Variants in PAXBP1 observed in about 807,000 individuals in gnomAD.
PAXBP1 encodes PAX3 and PAX7 binding protein 1, also known as PAX3- and PAX7-binding protein 1.
In PAXBP1, 44 loss-of-function variants were observed where a neutral mutation model predicts 119.9. The observed-to-expected ratio is 0.37, with a 90% CI of 0.29 to 0.47. The LOEUF is 0.47. Ranked by LOEUF, PAXBP1 falls within the 20% of genes least tolerant of loss-of-function variation. The pLI, the probability that PAXBP1 is intolerant of heterozygous loss-of-function variation, is 0.99. For missense variants in PAXBP1, 898 were observed against 1,134.1 expected, an observed-to-expected ratio of 0.79 and a Z score of 2.99; for synonymous variants, 393 against 406.6, an observed-to-expected ratio of 0.97 and a Z score of 0.40.
intron 15 of PAXBP1, among the ~76,000 whole-genome samples, chr21:32,739,452 G>A (rs1384914714): frequency 6.6e-6 from 1 of 152,174 alleles, no homozygotes; most frequent in East Asian, 1.9e-4. Flanking sequence ...TGTAAAAGGT[G>A]CGGGACAGTG....
chr21:32,761,893 C>A (rs1486572498), intron 4 of PAXBP1, among the ~76,000 whole-genome samples: 4 of 152,088 alleles, frequency 2.6e-5, no homozygotes. Flanking sequence ...AAAAAATTAG[C>A]CAGGTGTGGT....
intron 12 of PAXBP1, among the ~76,000 whole-genome samples, 153 bp downstream of exon 12, chr21:32,745,421 C>A (rs988213131): frequency 6.6e-6 from 1 of 152,148 alleles, no homozygotes; most frequent in African/African-American, 2.4e-5. Context: ...GGATAAGAAC[C>A]CCTCTGCCCT....
chr21:32,759,435 T>C lies in PAXBP1; in HGVS notation c.1194-166A>G, dbSNP rs145424174. On this transcript the variant is annotated intron_variant, in intron 6 of 17. Transcript: ENST00000331923. ...GCTTTTTTTCTCAAAAAACAAAAAA[T>C]GGCAGTTTACAGATTTCACAGTTTT... 2.5e-5 allele frequency: 20 copies of C among 788,346 alleles called. No homozygotes were observed. The East Asian group carries it at 3.9e-4, about 15-fold the overall frequency. The allele number at this position is 788,346 out of a possible 1,614,324, so 48.8% of individuals were successfully genotyped here.
chr21:32,771,255 T>C (rs1055239723), intron 1 of PAXBP1, 71 bp downstream of exon 1: 99 of 1,377,494 alleles, frequency 7.2e-5, no homozygotes, highest in African/African-American at 4.5e-5. Context: ...GTCCAGAGAA[T>C]ACGGGGGCGG....
At chr21:32,738,969 A>G (rs1361839463) in intron 15 of PAXBP1, among the ~76,000 whole-genome samples, 2 of 152,112 alleles carry the variant, frequency 1.3e-5, no homozygotes, top group Non-Finnish European at 2.9e-5. Context: ...GTGTGTCTCC[A>G]CGACCATCCA....
chr21:32,758,644 TAAAA>T (rs138934420), intron 7 of PAXBP1, among the ~76,000 whole-genome samples: 7 of 104,106 alleles, frequency 6.7e-5, no homozygotes, highest in Admixed American at 1.0e-4. Flanking sequence ...TCATCCAGGG[TAAAA>T]AAAAAAAAAA....
At chr21:32,764,202 A>G (rs1404802936) in intron 3 of PAXBP1, 146 bp downstream of exon 3, 3 of 735,080 alleles carry the variant, frequency 4.1e-6, no homozygotes, top group African/African-American at 1.8e-5. Flanking sequence ...TATTTTTTAT[A>G]TTTGCAAATG....
chr21:32,762,065 A>G, intron 4 of PAXBP1, 31 bp downstream of exon 4: 1 of 1,612,588 alleles, frequency 6.2e-7, no homozygotes, highest in South Asian at 1.1e-5. Flanking sequence ...AGGCAATGCA[A>G]TAGGCTTACT....
At chr21:32,746,012 G>A (rs1357738467) in intron 11 of PAXBP1, among the ~76,000 whole-genome samples, 3 of 152,136 alleles carry the variant, frequency 2.0e-5, no homozygotes, top group Non-Finnish European at 4.4e-5. Context: ...AACAAGCAAT[G>A]GGGAAAAGAT....
In PAXBP1 at chr21:32,734,162, G is replaced by C. The variant is rs1601576938; in HGVS notation, c.*788C>G. The C allele has an allele frequency of 6.6e-6, 1 of 152,602 alleles. No individual in the cohort carries two copies. Among genetic ancestry groups the C allele is most frequent in the East Asian group, 1.9e-4 (1 of 5,206 alleles). The allele number at this position is 152,602 out of a possible 1,614,324, so 9.5% of individuals were successfully genotyped here. A position where few individuals can be genotyped will look rare whatever the true frequency, so the allele number is the denominator to read the frequency against. ...CTCACATATGTGGGATTTTAAATAT[G>C]ACAGACTACTAAAATTCAAATGCAT... On this transcript the variant is annotated 3_prime_UTR_variant, in exon 18 of 18. Coordinates refer to ENST00000331923, the MANE Select transcript of PAXBP1 (RefSeq NM_016631.4).
chr21:32,743,733 A>G lies in PAXBP1; in HGVS notation c.2212T>C (p.Leu738=). The G allele has an allele frequency of 6.3e-7, 1 of 1,594,152 alleles. No homozygotes were observed. ...TCATCTAAAGTTCTTCTCATTCTCA[A>G]TAAAAGTGCCTTTAGGTATACCTAA... The part of the protein sequence containing the change: ...NTQVYLKALL[L]RMRRTLDDDV... The change falls in exon 14 of 18, where the codon TTG becomes CTG. Residue 738 remains leucine (L), a synonymous_variant. Coordinates refer to ENST00000331923, the MANE Select transcript of PAXBP1 (RefSeq NM_016631.4).
intron 15 of PAXBP1, among the ~76,000 whole-genome samples, chr21:32,741,782 T>C (rs936488261): frequency 6.6e-6 from 1 of 152,202 alleles, no homozygotes; most frequent in African/African-American, 2.4e-5. Context: ...TTCTAGTTTC[T>C]ATGGCAACCC....
Position 32,764,414 on chromosome 21 carries a change from C to T in PAXBP1, c.583G>A (p.Glu195Lys), listed in dbSNP as rs1375553799. Residue 195 changes from glutamate (E) to lysine (K), a missense_variant, in exon 3 of 18, where the codon GAA becomes AAA. By Grantham distance (56) the Glu-to-Lys change is moderately conservative. Coordinates refer to ENST00000331923, the MANE Select transcript of PAXBP1 (RefSeq NM_016631.4). ...DEMDMESEKE[E>K]EKPKTGGAFS... ...GCTCCACCAGTCTTTGGCTTTTCTT[C>T]CTCTTTTTCACTTTCCATATCCATT... 1 of 1,613,854 alleles carries T rather than the reference C, an allele frequency of 6.2e-7. No homozygotes were observed. The highest frequency in any genetic ancestry group is 1.7e-5 in the Admixed American group (1 of 60,008).
At chr21:32,754,547 C>T (rs991143602) in intron 8 of PAXBP1, among the ~76,000 whole-genome samples, 1 of 152,178 alleles carries the variant, frequency 6.6e-6, no homozygotes. Context: ...AACTATTTAA[C>T]AAGAGGTTTC....
Position 32,738,237 on chromosome 21 carries a change from C to T in PAXBP1, c.2417G>A (p.Arg806Gln). ...QELSIDGLLNRYILMAFQNSE... is the reference protein window; with the variant it reads ...QELSIDGLLNQYILMAFQNSE... ...ATTCTGAAAAGCCATGAGAATATAT[C>T]GATTTAATAAACCATCTATTGATAA... Residue 806 changes from arginine (R) to glutamine (Q), a missense_variant, in exon 16 of 18, where the codon CGA becomes CAA. Arg to Gln is a conservative substitution (Grantham distance 43). Around this residue, in one of 2 missense-constraint regions of PAXBP1, gnomAD observed 599 missense variants for 852.7 expected, o/e 0.70. Transcript: ENST00000331923. 2 of 1,601,900 alleles carry T rather than the reference C, an allele frequency of 1.2e-6. No homozygotes were observed. Among genetic ancestry groups the T allele is most frequent in the Non-Finnish European group, 1.7e-6 (2 of 1,176,566 alleles).
intron 2 of PAXBP1, among the ~76,000 whole-genome samples, chr21:32,766,688 C>G (rs938585409): frequency 1.3e-5 from 2 of 152,202 alleles, no homozygotes; most frequent in African/African-American, 4.8e-5. Context: ...CCCAACCTAA[C>G]CCAATGGCTG....
At chr21:32,749,775 C>G (rs1168503690) in intron 10 of PAXBP1, among the ~76,000 whole-genome samples, 1 of 152,066 alleles carries the variant, frequency 6.6e-6, no homozygotes, top group East Asian at 1.9e-4. Flanking sequence ...TTAAACAATG[C>G]TATGAGGAAA....
intron 12 of PAXBP1, 124 bp from the exon 13 acceptor site, chr21:32,745,037 G>A (rs964981521): frequency 2.8e-6 from 3 of 1,052,668 alleles, no homozygotes; most frequent in South Asian, 3.3e-5. Context: ...ATAAGCTTTA[G>A]TCTTCTTTGT....
chr21:32,771,309 C>G lies in PAXBP1; in HGVS notation c.343+17G>C, dbSNP rs748834882. 6.4e-7 allele frequency: 1 copy of G among 1,570,778 alleles called. No individual in the cohort carries two copies. The highest frequency in any genetic ancestry group is 1.4e-5 in the African/African-American group (1 of 71,922). Reference sequence around the variant, plus strand: ...GGGGATGCGGCCGTCTAAGGGCGTCCGAAGCGCGCACTTTACCTTCCTCCT... The same window carrying G: ...GGGGATGCGGCCGTCTAAGGGCGTCGGAAGCGCGCACTTTACCTTCCTCCT... On this transcript the variant is annotated intron_variant, in intron 1 of 17. Transcript: ENST00000331923.
Sources: allele counts gnomAD v4.1 joint callset (sites outside exome capture counted in the v4.1 genomes callset), GRCh38; gene constraint gnomAD v4.1.1; regional missense constraint gnomAD v4.1.1; transcripts MANE v1.5; gene names NCBI Gene and HGNC (gene_info 2026-07-23, HGNC 2026-07-21).